The following PLCG2 variants were observed in gnomAD, a reference collection of about 807,000 sequenced individuals.
PLCG2 encodes 1-phosphatidylinositol 4,5-bisphosphate phosphodiesterase gamma-2.
In PLCG2, 69 loss-of-function variants were observed where a neutral mutation model predicts 175.6. The ratio of observed to expected loss-of-function variants is 0.39; its 90% confidence interval spans 0.32 to 0.48. The LOEUF is 0.48. PLCG2 is among the 20% of genes least tolerant of loss of function. The probability of loss-of-function intolerance (pLI) is 0.91; values close to 1 mark genes in which losing one functional copy is unlikely to be tolerated. For missense variants in PLCG2, 1,798 were observed against 1,650.9 expected, an observed-to-expected ratio of 1.09 and a Z score of -1.54; for synonymous variants, 827 against 624.0, an observed-to-expected ratio of 1.33 and a Z score of -4.85.
At chr16:81,897,571 A>T (rs1597116357) in intron 13 of PLCG2, among the ~76,000 whole-genome samples, 1 of 120,598 alleles carries the variant, frequency 8.3e-6, no homozygotes. Context: ...TTTGAGATGG[A>T]GTCTCCCTCT....
chr16:81,819,943 A>C (rs1412905805), intron 2 of PLCG2, among the ~76,000 whole-genome samples: 1 of 152,220 alleles, frequency 6.6e-6, no homozygotes, highest in East Asian at 1.9e-4. Flanking sequence ...AGAGAAATGC[A>C]GATTCATTCT....
At chr16:81,779,257 C>A (rs1910616972), upstream of PLCG2, 1 of 150,686 alleles carries the variant, frequency 6.6e-6, no homozygotes, top group Non-Finnish European at 1.5e-5. Context: ...GGGCGGCCCC[C>A]GAGGATCACG....
intron 2 of PLCG2, among the ~76,000 whole-genome samples, chr16:81,822,270 T>C (rs897858812): frequency 6.6e-6 from 1 of 152,154 alleles, no homozygotes; most frequent in African/African-American, 2.4e-5. Flanking sequence ...GACAGGGTGT[T>C]GAAGGGTCGG....
At chr16:81,825,569 A>C (rs928630083) in intron 2 of PLCG2, among the ~76,000 whole-genome samples, 1 of 152,178 alleles carries the variant, frequency 6.6e-6, no homozygotes, top group Non-Finnish European at 1.5e-5. Flanking sequence ...TGCTGGGATT[A>C]TAGGCGTGAG....
At chr16:81,784,297 A>C (rs1208129485) in intron 1 of PLCG2, among the ~76,000 whole-genome samples, 1 of 152,192 alleles carries the variant, frequency 6.6e-6, no homozygotes, top group Non-Finnish European at 1.5e-5. Flanking sequence ...GCCTTCCCCA[A>C]TGGCTGATTA....
chr16:81,902,219 A>G (rs117725296), intron 14 of PLCG2, among the ~76,000 whole-genome samples: 1,842 of 152,288 alleles, frequency 0.012, 79 homozygotes, highest in Admixed American at 0.08. Flanking sequence ...GCGAGTGTGA[A>G]TTTTGTTGAC....
At position 81,824,732 on chromosome 16, in the gene PLCG2, A is replaced by C. The variant is rs79391759; in HGVS notation, c.194-29712A>C. Reference sequence around the variant, plus strand: ...ACCTCTGGCCTTTTTGTCCTTCCCCATGATGTCACCTTTCATTGGATGGTG... The same window carrying C: ...ACCTCTGGCCTTTTTGTCCTTCCCCCTGATGTCACCTTTCATTGGATGGTG... On this transcript the variant is annotated intron_variant, in intron 2 of 32. Transcript: ENST00000564138. Among the ~76,000 whole-genome samples, 342 of 152,262 alleles carry C rather than the reference A, an allele frequency of 2.2e-3. 12 individuals are homozygous for C. The East Asian group carries it at 0.054, about 24-fold the overall frequency.
chr16:81,754,446 T>TCCTCCCCTGC (rs1909881113), intron 1 of PLCG2, among the ~76,000 whole-genome samples: 1 of 8 alleles, frequency 0.12, no homozygotes. Flanking sequence ...CCTCCCCACC[T>TCCTCCCCTGC]CCTCCCCACC....
intron 6 of PLCG2, 56 bp from the exon 7 acceptor site, chr16:81,870,796 A>T: frequency 1.1e-6 from 1 of 896,640 alleles, no homozygotes; most frequent in Non-Finnish European, 1.8e-6. Flanking sequence ...AATAGCATGG[A>T]GCCATTCTTA....
chr16:81,811,502 A>C (rs983860075), intron 2 of PLCG2, among the ~76,000 whole-genome samples: 2 of 151,982 alleles, frequency 1.3e-5, no homozygotes, highest in African/African-American at 4.8e-5. Flanking sequence ...TATTTCTCCT[A>C]GTGCTATCCC....
intron 19 of PLCG2, among the ~76,000 whole-genome samples, chr16:81,916,619 C>A (rs529930951): frequency 6.6e-6 from 1 of 151,496 alleles, no homozygotes; most frequent in Non-Finnish European, 1.5e-5. Flanking sequence ...AGTCTACCCT[C>A]AGCAATTTTC....
At chr16:81,827,446 C>A in intron 2 of PLCG2, among the ~76,000 whole-genome samples, 1 of 152,034 alleles carries the variant, frequency 6.6e-6, no homozygotes, top group East Asian at 1.9e-4. Flanking sequence ...GTCTTGGCTT[C>A]CCAAAGGGCT....
intron 2 of PLCG2, among the ~76,000 whole-genome samples, chr16:81,791,546 G>T (rs961751161): frequency 6.6e-6 from 1 of 152,294 alleles, no homozygotes; most frequent in African/African-American, 2.4e-5. Context: ...ATGGCTGGAA[G>T]ACTGAGCTTA....
intron 24 of PLCG2, chr16:81,928,849 A>G (rs1337425403): frequency 1.5e-5 from 7 of 479,174 alleles, no homozygotes; most frequent in Admixed American, 6.3e-5. Flanking sequence ...GGTCTCGTAC[A>G]TAAGTGCTAG....
chr16:81,937,973 T>A, intron 28 of PLCG2, 70 bp downstream of exon 28: 1 of 1,479,998 alleles, frequency 6.8e-7, no homozygotes, highest in Non-Finnish European at 9.3e-7. Flanking sequence ...GATGCTGTCT[T>A]GAGAGCAGGG....
In PLCG2 at chr16:81,890,494, C is replaced by T. The variant is rs4426345; in HGVS notation, c.868-978C>T. On this transcript the variant is annotated intron_variant, in intron 10 of 32. Transcript: ENST00000564138. ...AAGGCAGTTTCATAGCCCTTTCTTA[C>T]TCTTCTCTACTGACCGTGTTGCCTG... 3.4e-3 allele frequency among the ~76,000 whole-genome samples: 517 copies of T among 152,316 alleles called. 12 individuals carry two copies. In the East Asian group the frequency reaches 0.085, roughly 25 times the overall value.
At position 81,944,770 on chromosome 16, in the gene PLCG2, T is replaced by C. The variant is rs78152797; in HGVS notation, c.3482-1405T>C. 3.3e-5 allele frequency among the ~76,000 whole-genome samples: 5 copies of C among 152,292 alleles called. No homozygotes were observed. In the East Asian group the frequency reaches 7.7e-4, roughly 23 times the overall value. ...GGATTACAGGCATGAGCCACCGTAC[T>C]TGGCCAACTATGTCATTTTATATCA... On this transcript the variant is annotated intron_variant, in intron 30 of 32. Coordinates refer to ENST00000564138, the MANE Select transcript of PLCG2 (RefSeq NM_002661.5).
chr16:81,910,036 A>C (rs1486548652), intron 17 of PLCG2, among the ~76,000 whole-genome samples: 3 of 151,550 alleles, frequency 2.0e-5, no homozygotes, highest in African/African-American at 7.3e-5. Flanking sequence ...AAGTAGGTAG[A>C]ATGTTCTGGA....
chr16:81,845,084 A>G (rs1367641706), intron 2 of PLCG2, among the ~76,000 whole-genome samples: 7 of 152,154 alleles, frequency 4.6e-5, no homozygotes, highest in Admixed American at 4.6e-4. Flanking sequence ...GTGCACCAGC[A>G]CACTTGGCTA....
Sources: allele counts gnomAD v4.1 joint callset (sites outside exome capture counted in the v4.1 genomes callset), GRCh38; gene constraint gnomAD v4.1.1; transcripts MANE v1.5; gene names NCBI Gene and HGNC (gene_info 2026-07-23, HGNC 2026-07-21).